CNGB3: variants seen among roughly 807,000 people sequenced by gnomAD.
CNGB3 encodes the protein cyclic nucleotide gated channel subunit beta 3, also known as cyclic nucleotide-gated channel beta-3.
CNGB3 carries 86 observed loss-of-function variants against 92.8 expected under a neutral mutation model. The ratio of observed to expected loss-of-function variants is 0.93; its 90% CI spans 0.78 to 1.11. CNGB3 has a LOEUF of 1.11. Ranked by LOEUF, CNGB3 falls within the 50% of genes least tolerant of loss-of-function variation. The pLI is 0.00. For synonymous variants in CNGB3, 333 were observed against 332.7 expected, an observed-to-expected ratio of 1.00 and a Z score of -0.01; for missense variants, 1,026 against 956.8, an observed-to-expected ratio of 1.07 and a Z score of -0.95.
intron 7 of CNGB3, among the ~76,000 whole-genome samples, chr8:86,648,359 T>C (rs1188385886): frequency 2.0e-5 from 3 of 151,244 alleles, no homozygotes; most frequent in African/African-American, 7.3e-5. Context: ...ATTTAGGCTC[T>C]TCAATGCTTT....
intron 1 of CNGB3, among the ~76,000 whole-genome samples, chr8:86,740,816 A>G (rs1825327593): frequency 6.6e-6 from 1 of 152,142 alleles, no homozygotes; most frequent in African/African-American, 2.4e-5. Context: ...TATGAAATTG[A>G]TTGAGTGGCT....
chr8:86,636,867 CTTGT>C (rs1336945382), intron 10 of CNGB3, among the ~76,000 whole-genome samples: 1 of 152,078 alleles, frequency 6.6e-6, no homozygotes, highest in African/African-American at 2.4e-5. Context: ...CTTTCTGTGT[CTTGT>C]TTATTTTGCT....
intron 13 of CNGB3, among the ~76,000 whole-genome samples, chr8:86,615,184 T>A (rs57705284): frequency 0.13 from 20,021 of 152,128 alleles, 1,760 homozygotes; most frequent in African/African-American, 0.25. Flanking sequence ...ACCAATCCCC[T>A]GTGGATACCA....
intron 13 of CNGB3, among the ~76,000 whole-genome samples, chr8:86,619,507 C>G (rs890237410): frequency 5.3e-5 from 8 of 152,076 alleles, no homozygotes; most frequent in African/African-American, 1.9e-4. Context: ...CATGTTGAAG[C>G]AGCAAATCTT....
At chr8:86,593,156 A>G (rs1822083829) in intron 15 of CNGB3, among the ~76,000 whole-genome samples, 1 of 152,234 alleles carries the variant, frequency 6.6e-6, no homozygotes, top group African/African-American at 2.4e-5. Context: ...CAGATATAAA[A>G]TGCTTAGTCC....
At chr8:86,719,362 G>C (rs1227634268) in intron 3 of CNGB3, among the ~76,000 whole-genome samples, 1 of 152,046 alleles carries the variant, frequency 6.6e-6, no homozygotes, top group Admixed American at 6.6e-5. Context: ...CAGTAGCTCT[G>C]CTATACACCA....
At chr8:86,678,743 G>A (rs1195946312) in intron 3 of CNGB3, among the ~76,000 whole-genome samples, 2 of 151,926 alleles carry the variant, frequency 1.3e-5, no homozygotes, top group East Asian at 1.9e-4. Flanking sequence ...ACCATTTTAA[G>A]GCTAAAGTAA....
At chr8:86,625,497 A>AT (rs35718548) in intron 13 of CNGB3, among the ~76,000 whole-genome samples, 113 of 151,800 alleles carry the variant, frequency 7.4e-4, no homozygotes, top group Non-Finnish European at 1.3e-3. Flanking sequence ...CTTTGTTATA[A>AT]TTTTTTTTTC....
intron 10 of CNGB3, among the ~76,000 whole-genome samples, chr8:86,633,462 T>C (rs1823002387): frequency 6.6e-6 from 1 of 152,216 alleles, no homozygotes; most frequent in Non-Finnish European, 1.5e-5. Flanking sequence ...TCAATGTGAC[T>C]AGCTTGGGCT....
intron 3 of CNGB3, among the ~76,000 whole-genome samples, chr8:86,681,047 C>T (rs1824075318): frequency 1.3e-5 from 2 of 152,044 alleles, no homozygotes; most frequent in African/African-American, 4.8e-5. Context: ...ATATCAAGTA[C>T]AAAGATGATC....
chr8:86,709,983 C>T (rs1824721721), intron 3 of CNGB3, among the ~76,000 whole-genome samples: 1 of 152,134 alleles, frequency 6.6e-6, no homozygotes. Context: ...AGATCCTGTG[C>T]TAAACAGTTG....
intron 6 of CNGB3, among the ~76,000 whole-genome samples, chr8:86,664,391 C>T (rs1028754931): frequency 5.3e-5 from 8 of 152,144 alleles, no homozygotes; most frequent in Admixed American, 5.2e-4. Flanking sequence ...ACCTAAGATG[C>T]CATATAGGCA....
chr8:86,681,293 A>G (rs1408690162), intron 3 of CNGB3, among the ~76,000 whole-genome samples: 1 of 152,176 alleles, frequency 6.6e-6, no homozygotes, highest in Non-Finnish European at 1.5e-5. Flanking sequence ...TTGATTATCC[A>G]AAAAACAAAA....
At chr8:86,700,084 C>T (rs1824523200) in intron 3 of CNGB3, among the ~76,000 whole-genome samples, 1 of 152,064 alleles carries the variant, frequency 6.6e-6, no homozygotes, top group Admixed American at 6.6e-5. Flanking sequence ...CTTTTTATTG[C>T]AACTTCAAAG....
intron 15 of CNGB3, among the ~76,000 whole-genome samples, chr8:86,583,328 T>A (rs1821828275): frequency 6.6e-6 from 1 of 152,196 alleles, no homozygotes; most frequent in Admixed American, 6.6e-5. Flanking sequence ...AGGGAAGAAT[T>A]GGAAACATTC....
intron 6 of CNGB3, among the ~76,000 whole-genome samples, chr8:86,665,335 C>T (rs1184457716): frequency 1.3e-5 from 2 of 152,144 alleles, no homozygotes; most frequent in Non-Finnish European, 2.9e-5. Flanking sequence ...TAAATTAGTT[C>T]AGCCACTGTG....
rs567636822 is a variant in CNGB3, at chr8:86,726,404, G to T, written c.338+127C>A. 55 of 1,297,394 alleles carry T rather than the reference G, an allele frequency of 4.2e-5. No individual in the cohort carries two copies. The African/African-American group carries it at 7.5e-4, about 18-fold the overall frequency. 80.4% of individuals were successfully genotyped at this position (1,297,394 alleles called of 1,614,324 possible). On this transcript the variant is annotated intron_variant, in intron 3 of 17. Transcript: ENST00000320005. The stretch of plus-strand genomic sequence containing the variant: ...CTTTTAGTTCTGACACAGTTTTTTT[G>T]TGTTATGTGACTATTGAATTTTTTC...
At chr8:86,667,638 G>A (rs533258519) in intron 5 of CNGB3, among the ~76,000 whole-genome samples, 1 of 152,296 alleles carries the variant, frequency 6.6e-6, no homozygotes, top group Admixed American at 6.5e-5. Flanking sequence ...GCCCTTCTCT[G>A]CCTCTGGGAG....
chr8:86,734,996 G>A (rs1415239593), intron 2 of CNGB3, among the ~76,000 whole-genome samples: 1 of 144,516 alleles, frequency 6.9e-6, no homozygotes, highest in African/African-American at 2.6e-5. Flanking sequence ...GAAAGTAGCA[G>A]AGTTGTGATT....
Sources: gnomAD v4.1 joint callset for allele counts (sites outside exome capture counted in the v4.1 genomes callset) on GRCh38, gnomAD v4.1.1 for gene constraint, MANE v1.5 for transcripts, NCBI Gene and HGNC (gene_info 2026-07-23, HGNC 2026-07-21) for gene names.